Variants in ROR1 observed in about 807,000 individuals in gnomAD.
ROR1 encodes inactive tyrosine-protein kinase transmembrane receptor ROR1.
ROR1 carries 19 observed loss-of-function variants against 78.8 expected under a neutral mutation model. That is an observed-to-expected ratio of 0.24 (90% CI 0.17 to 0.35). The LOEUF is 0.35. Among genes scored for constraint, ROR1 ranks in the 10% least tolerant of loss-of-function variants. The pLI is 1.00. For missense variants in ROR1, 917 were observed against 1,177.8 expected, an observed-to-expected ratio of 0.78 and a Z score of 3.24; for synonymous variants, 386 against 433.6, an observed-to-expected ratio of 0.89 and a Z score of 1.36.
At chr1:64,013,035 C>CA (rs2100547055) in intron 2 of ROR1, among the ~76,000 whole-genome samples, 1 of 152,218 alleles carries the variant, frequency 6.6e-6, no homozygotes, top group East Asian at 1.9e-4. Flanking sequence ...TGACTTTTAG[C>CA]AAGCCTCTCA....
chr1:63,930,089 A>G (rs1261963291), intron 1 of ROR1, among the ~76,000 whole-genome samples: 1 of 152,036 alleles, frequency 6.6e-6, no homozygotes, highest in Admixed American at 6.6e-5. Flanking sequence ...TACATTAGAT[A>G]TTTCTCCTAA....
chr1:63,828,350 C>G (rs1235207378), intron 1 of ROR1, among the ~76,000 whole-genome samples: 1 of 152,048 alleles, frequency 6.6e-6, no homozygotes, highest in African/African-American at 2.4e-5. Context: ...TATGTAATTT[C>G]CCTAGCAATA....
intron 1 of ROR1, among the ~76,000 whole-genome samples, chr1:63,850,595 A>G (rs1645108203): frequency 6.6e-6 from 1 of 152,250 alleles, no homozygotes. Context: ...ATGTATAAAG[A>G]TATGTCAAGT....
Position 63,988,461 on chromosome 1 carries a change from G to GA in ROR1, c.92-20838dup, listed in dbSNP as rs1290480332. ...CCATGGGCAACTCACTCCTTTTTCA[G>GA]AAAAAATTGTGGTTAAACATATGTA... On this transcript the variant is annotated intron_variant, in intron 1 of 8. Coordinates refer to ENST00000371079, the MANE Select transcript of ROR1 (RefSeq NM_005012.4). 3.9e-5 allele frequency among the ~76,000 whole-genome samples: 6 copies of GA among 152,130 alleles called. No homozygotes were observed. In the South Asian group the frequency reaches 8.3e-4, roughly 21 times the overall value.
chr1:64,070,185 A>G (rs1273184549), intron 4 of ROR1, among the ~76,000 whole-genome samples: 3 of 152,176 alleles, frequency 2.0e-5, no homozygotes, highest in Non-Finnish European at 4.4e-5. Flanking sequence ...CACTTAGCAT[A>G]ATGTGTTCAA....
chr1:64,137,322 G>A (rs765740644), intron 4 of ROR1, 47 bp from the exon 5 acceptor site: 3 of 1,609,680 alleles, frequency 1.9e-6, no homozygotes, highest in Non-Finnish European at 2.5e-6. Flanking sequence ...GCTGTGCCCT[G>A]TATGTATGTG....
intron 4 of ROR1, among the ~76,000 whole-genome samples, chr1:64,061,311 A>G (rs1304457196): frequency 2.0e-5 from 3 of 152,182 alleles, no homozygotes; most frequent in African/African-American, 4.8e-5. Flanking sequence ...GAACAAAACC[A>G]GTCAAAAGTC....
intron 7 of ROR1, among the ~76,000 whole-genome samples, chr1:64,157,573 C>G (rs1225606471): frequency 3.3e-5 from 5 of 152,260 alleles, no homozygotes; most frequent in African/African-American, 1.2e-4. Context: ...TATGCCATAT[C>G]TCACCTGCCA....
chr1:63,836,075 G>A (rs1215680340), intron 1 of ROR1, among the ~76,000 whole-genome samples: 1 of 152,172 alleles, frequency 6.6e-6, no homozygotes, highest in African/African-American at 2.4e-5. Flanking sequence ...CAGATTTGCT[G>A]CTTGCTTTTT....
At chr1:64,038,285 GATAAA>G (rs1646719635) in intron 2 of ROR1, among the ~76,000 whole-genome samples, 1 of 152,110 alleles carries the variant, frequency 6.6e-6, no homozygotes. Context: ...CACTCTGCCT[GATAAA>G]AGTCAGGGAA....
chr1:63,944,762 T>G (rs1020189378), intron 1 of ROR1, among the ~76,000 whole-genome samples: 4 of 152,194 alleles, frequency 2.6e-5, no homozygotes, highest in African/African-American at 9.6e-5. Flanking sequence ...GAGACCTGGC[T>G]TCTCACCCAG....
intron 2 of ROR1, among the ~76,000 whole-genome samples, chr1:64,022,419 A>G (rs1272138077): frequency 6.6e-6 from 1 of 152,230 alleles, no homozygotes. Flanking sequence ...TAAAACAAAA[A>G]TAAGAAAACT....
At chr1:63,876,731 C>G (rs982004759) in intron 1 of ROR1, among the ~76,000 whole-genome samples, 2 of 151,002 alleles carry the variant, frequency 1.3e-5, no homozygotes, top group African/African-American at 4.9e-5. Context: ...TTCATTCGTT[C>G]TCTTTCTTCC....
intron 4 of ROR1, among the ~76,000 whole-genome samples, chr1:64,054,108 C>T (rs531982580): frequency 1.3e-5 from 2 of 152,184 alleles, no homozygotes; most frequent in South Asian, 2.1e-4. Context: ...CACGCACTAC[C>T]GTGCCTGGCA....
chr1:63,952,393 G>A (rs770917466), intron 1 of ROR1, among the ~76,000 whole-genome samples: 10 of 152,184 alleles, frequency 6.6e-5, no homozygotes, highest in South Asian at 4.1e-4. Flanking sequence ...GCAGCCTTTG[G>A]ACAGCCAGTG....
In ROR1 at chr1:63,864,913, A is replaced by G. The variant is rs919124164; in HGVS notation, c.91+90405A>G. 3.3e-5 allele frequency among the ~76,000 whole-genome samples: 5 copies of G among 149,886 alleles called. No individual in the cohort carries two copies. The South Asian group carries it at 8.4e-4, about 25-fold the overall frequency. ...TCCTTTCTGGCTTTGTTCAGAAATC[A>G]GGTATCAATAAGCTTTTTATTACTC... On this transcript the variant is annotated intron_variant, in intron 1 of 8. Transcript: ENST00000371079.
chr1:63,833,472 CTT>C (rs1009124178), intron 1 of ROR1, among the ~76,000 whole-genome samples: 6 of 152,212 alleles, frequency 3.9e-5, no homozygotes, highest in African/African-American at 1.4e-4. Context: ...AGAAGGATTG[CTT>C]TGTTTTGTGG....
chr1:63,909,106 C>T (rs536596127), intron 1 of ROR1, among the ~76,000 whole-genome samples: 3 of 152,106 alleles, frequency 2.0e-5, no homozygotes, highest in East Asian at 1.9e-4. Flanking sequence ...AACTAATGCA[C>T]CACTCTATAT....
At chr1:63,869,553 C>G (rs1223334690) in intron 1 of ROR1, among the ~76,000 whole-genome samples, 6 of 152,240 alleles carry the variant, frequency 3.9e-5, no homozygotes, top group African/African-American at 1.4e-4. Flanking sequence ...TCACAGTACT[C>G]TCTCCTCTTT....
Sources: allele counts gnomAD v4.1 joint callset (sites outside exome capture counted in the v4.1 genomes callset), GRCh38; gene constraint gnomAD v4.1.1; transcripts MANE v1.5; gene names NCBI Gene and HGNC (gene_info 2026-07-23, HGNC 2026-07-21).